The following CDH12 variants were observed in gnomAD, a reference collection of about 807,000 sequenced individuals.
CDH12 encodes cadherin 12, also known as cadherin-12.
CDH12 carries 41 observed loss-of-function variants against 74.1 expected under a neutral mutation model. That is an observed-to-expected ratio of 0.55 (90% CI 0.43 to 0.72). The LOEUF is 0.72. CDH12 is among the 30% of genes least tolerant of loss of function. The probability of loss-of-function intolerance (pLI) is 0.00; values close to 1 mark genes in which losing one functional copy is unlikely to be tolerated. For missense variants in CDH12, 945 were observed against 977.2 expected (o/e 0.97, Z 0.44); for synonymous variants, 399 against 355.0 (o/e 1.12, Z -1.39).
chr5:22,795,911 T>C (rs1228161486), intron 1 of CDH12, among the ~76,000 whole-genome samples: 2 of 152,066 alleles, frequency 1.3e-5, no homozygotes, highest in Non-Finnish European at 2.9e-5. Flanking sequence ...TGGAATTTAT[T>C]TGAGGAAATG....
chr5:22,017,781 G>A (rs1165284582), intron 5 of CDH12, among the ~76,000 whole-genome samples: 2 of 145,658 alleles, frequency 1.4e-5, no homozygotes, highest in Admixed American at 6.8e-5. Flanking sequence ...TTTTTTTTGA[G>A]ACAGTTTTGC....
At chr5:22,031,339 A>G (rs1397346573) in intron 5 of CDH12, among the ~76,000 whole-genome samples, 1 of 152,126 alleles carries the variant, frequency 6.6e-6, no homozygotes, top group Non-Finnish European at 1.5e-5. Flanking sequence ...AATAAAATAA[A>G]ATAAGTAAAA....
At chr5:21,990,746 C>T (rs1343961962) in intron 5 of CDH12, among the ~76,000 whole-genome samples, 1 of 150,722 alleles carries the variant, frequency 6.6e-6, no homozygotes, top group Admixed American at 6.6e-5. Context: ...GATTACAATC[C>T]TTCTATTAGC....
At chr5:22,202,891 T>A (rs1459666203) in intron 4 of CDH12, among the ~76,000 whole-genome samples, 1 of 152,236 alleles carries the variant, frequency 6.6e-6, no homozygotes, top group Non-Finnish European at 1.5e-5. Flanking sequence ...TCCCTTCAAC[T>A]CCACTAAAAC....
intron 1 of CDH12, among the ~76,000 whole-genome samples, chr5:22,709,091 C>T (rs943357994): frequency 6.6e-6 from 1 of 152,006 alleles, no homozygotes; most frequent in Non-Finnish European, 1.5e-5. Flanking sequence ...CCTACCGACA[C>T]CAAAAAAATC....
At chr5:22,383,688 T>G (rs1741866751) in intron 3 of CDH12, among the ~76,000 whole-genome samples, 1 of 152,230 alleles carries the variant, frequency 6.6e-6, no homozygotes, top group Admixed American at 6.5e-5. Flanking sequence ...AATTCATGTG[T>G]ATATTTCTCT....
intron 5 of CDH12, among the ~76,000 whole-genome samples, chr5:21,986,840 C>A (rs1310465958): frequency 6.6e-6 from 1 of 151,910 alleles, no homozygotes; most frequent in African/African-American, 2.4e-5. Context: ...TAGCTCTTAT[C>A]GAATATTATA....
At chr5:22,586,142 A>G (rs996192421) in intron 1 of CDH12, among the ~76,000 whole-genome samples, 8 of 152,216 alleles carry the variant, frequency 5.3e-5, no homozygotes, top group Non-Finnish European at 7.3e-5. Flanking sequence ...CATATATACC[A>G]TGGAATACTA....
intron 4 of CDH12, among the ~76,000 whole-genome samples, chr5:22,122,662 G>A (rs1192111233): frequency 6.6e-6 from 1 of 152,188 alleles, no homozygotes; most frequent in Admixed American, 6.5e-5. Flanking sequence ...GTTTTTGTGA[G>A]GTATTTGTGG....
rs1400183602 is a variant in CDH12, at chr5:22,170,560, T to C, written c.-187+41938A>G. 2.0e-5 allele frequency among the ~76,000 whole-genome samples: 3 copies of C among 151,016 alleles called. No homozygotes were observed. The Admixed American group carries it at 2.0e-4, about 10-fold the overall frequency. Reference sequence around the variant, plus strand: ...AGTTAACTTACATATAAGCTTCTTATATATAACTTATATATAAGCTTCTTA... The same window carrying C: ...AGTTAACTTACATATAAGCTTCTTACATATAACTTATATATAAGCTTCTTA... On this transcript the variant is annotated intron_variant, in intron 4 of 14. Transcript: ENST00000382254.
chr5:22,474,505 C>G (rs1345404744), intron 2 of CDH12, among the ~76,000 whole-genome samples: 1 of 152,088 alleles, frequency 6.6e-6, no homozygotes, highest in Non-Finnish European at 1.5e-5. Flanking sequence ...TCATGAGAAA[C>G]TCCATAGGTG....
chr5:22,523,068 G>A (rs1353410462), intron 1 of CDH12, among the ~76,000 whole-genome samples: 1 of 152,086 alleles, frequency 6.6e-6, no homozygotes, highest in Admixed American at 6.5e-5. Context: ...AATCCCTCCT[G>A]GTTGGCCTTA....
chr5:21,996,057 A>C (rs1054734981), intron 5 of CDH12, among the ~76,000 whole-genome samples: 23 of 150,194 alleles, frequency 1.5e-4, no homozygotes, highest in Non-Finnish European at 3.4e-4. Flanking sequence ...AAGGAGAATA[A>C]TGAGATATTT....
chr5:22,621,929 G>C (rs150585260), intron 1 of CDH12, among the ~76,000 whole-genome samples: 1 of 152,114 alleles, frequency 6.6e-6, no homozygotes, highest in East Asian at 1.9e-4. Flanking sequence ...AATATTTAAT[G>C]TTTAAATAAT....
At chr5:22,029,403 A>G (rs970108177) in intron 5 of CDH12, among the ~76,000 whole-genome samples, 4 of 152,098 alleles carry the variant, frequency 2.6e-5, no homozygotes, top group African/African-American at 9.7e-5. Context: ...AATGAACTCA[A>G]ACAAATTTAC....
intron 3 of CDH12, among the ~76,000 whole-genome samples, chr5:22,321,040 AG>A (rs1197553809): frequency 6.6e-6 from 1 of 152,218 alleles, no homozygotes; most frequent in South Asian, 2.1e-4. Flanking sequence ...TTTTGACTAA[AG>A]GTTCAGATCA....
intron 3 of CDH12, among the ~76,000 whole-genome samples, chr5:22,342,726 CT>C (rs1444670346): frequency 4.5e-5 from 6 of 132,966 alleles, no homozygotes; most frequent in Non-Finnish European, 8.0e-5. Flanking sequence ...CTTTCTCTCT[CT>C]CCTTCCTTCC....
chr5:22,818,062 G>C (rs567532627), intron 1 of CDH12, among the ~76,000 whole-genome samples: 1 of 152,240 alleles, frequency 6.6e-6, no homozygotes, highest in South Asian at 2.1e-4. Flanking sequence ...AGCAAAGCAT[G>C]GCATACATTC....
At chr5:22,278,344 G>A (rs188708310) in intron 3 of CDH12, among the ~76,000 whole-genome samples, 1 of 152,110 alleles carries the variant, frequency 6.6e-6, no homozygotes, top group East Asian at 1.9e-4. Flanking sequence ...TCTACCACCT[G>A]GCCTAAGTAC....
Sources: allele counts gnomAD v4.1 joint callset (sites outside exome capture counted in the v4.1 genomes callset), GRCh38; gene constraint gnomAD v4.1.1; transcripts MANE v1.5; gene names NCBI Gene and HGNC (gene_info 2026-07-23, HGNC 2026-07-21).